The following ZNF423 variants were observed in gnomAD, a reference collection of about 807,000 sequenced individuals.
ZNF423 encodes the protein Ebf-associated zinc finger protein.
ZNF423 carries 12 observed loss-of-function variants against 95.8 expected under a neutral mutation model. The observed-to-expected ratio is 0.13, with a 90% confidence interval of 0.08 to 0.20. The LOEUF is 0.20. Among genes scored for constraint, ZNF423 ranks in the 10% least tolerant of loss-of-function variants. ZNF423 has a pLI of 1.00. For missense variants in ZNF423, 1,316 were observed against 1,737.1 expected (o/e 0.76, Z 4.31); for synonymous variants, 749 against 711.9 (o/e 1.05, Z -0.83).
intron 3 of ZNF423, among the ~76,000 whole-genome samples, chr16:49,702,334 G>A (rs944354198): frequency 6.6e-6 from 1 of 152,232 alleles, no homozygotes; most frequent in African/African-American, 2.4e-5. Context: ...GACGGGAGAA[G>A]TGTTCTCCAA....
At chr16:49,678,390 C>T (rs1357866567) in intron 3 of ZNF423, among the ~76,000 whole-genome samples, 1 of 151,986 alleles carries the variant, frequency 6.6e-6, no homozygotes, top group Non-Finnish European at 1.5e-5. Flanking sequence ...GAAAGTGGGG[C>T]GTTCGAGCTC....
At chr16:49,714,852 C>T (rs747612129) in intron 3 of ZNF423, among the ~76,000 whole-genome samples, 5 of 152,244 alleles carry the variant, frequency 3.3e-5, no homozygotes, top group East Asian at 1.9e-4. Context: ...GTTTGTCCCG[C>T]GGCCCCTGCT....
chr16:49,806,951 C>T lies in ZNF423; in HGVS notation c.41-17405G>A, dbSNP rs150088040. Among the ~76,000 whole-genome samples, 841 of 150,210 alleles carry T rather than the reference C, an allele frequency of 5.6e-3. 4 individuals carry two copies. Among genetic ancestry groups the T allele is most frequent in the African/African-American group, 0.02 (815 of 40,760 alleles). On this transcript the variant is annotated intron_variant, in intron 1 of 7. Coordinates refer to ENST00000563137, the MANE Select transcript of ZNF423 (RefSeq NM_001379286.1). ...CTGAGGCAGGAGAATCGCTTGAACCCGGGAGGTAGAGGTTGCAGCGAGCCG... is the reference window on the plus strand; with the variant it reads ...CTGAGGCAGGAGAATCGCTTGAACCTGGGAGGTAGAGGTTGCAGCGAGCCG...
In ZNF423 at chr16:49,603,558, C is replaced by T. The variant is rs376113270; in HGVS notation, c.3601+22612G>A. Among the ~76,000 whole-genome samples the T allele has an allele frequency of 1.3e-5, 2 of 152,204 alleles. No homozygotes were observed. The highest frequency in any genetic ancestry group is 4.1e-4 in the South Asian group (2 of 4,820). Reference sequence around the variant, plus strand: ...CAGAGTAGCTGGGATTACAGGCGCCCGCCACCACGCCCAGCTAATTTTTGT... The same window carrying T: ...CAGAGTAGCTGGGATTACAGGCGCCTGCCACCACGCCCAGCTAATTTTTGT... On this transcript the variant is annotated intron_variant, in intron 5 of 7. Coordinates refer to ENST00000563137, the MANE Select transcript of ZNF423 (RefSeq NM_001379286.1). This position sits in a 1 kb window ranked among gnomAD's most constrained non-coding sequence, Gnocchi z 4.1.
chr16:49,855,383 T>G lies in ZNF423; in HGVS notation c.40+352A>C, dbSNP rs979581801. ...GCCAAGTCGGGCCAGCACCCCTTGA[T>G]TGGCCACACGGGCCCGGGCCCCGCA... On this transcript the variant is annotated intron_variant, in intron 1 of 7. Transcript: ENST00000563137. The surrounding 1 kb of genome is among the most constrained non-coding windows in gnomAD (Gnocchi z 4.7). Among the ~76,000 whole-genome samples the G allele has an allele frequency of 6.7e-6, 1 of 148,970 alleles. No individual in the cohort carries two copies. Among genetic ancestry groups the G allele is most frequent in the East Asian group, 2.0e-4 (1 of 4,938 alleles).
At chr16:49,682,307 A>C (rs1399841359) in intron 3 of ZNF423, among the ~76,000 whole-genome samples, 1 of 152,062 alleles carries the variant, frequency 6.6e-6, no homozygotes, top group Non-Finnish European at 1.5e-5. Flanking sequence ...AGAAAGTGCA[A>C]GAGAGTGAAT....
intron 7 of ZNF423, among the ~76,000 whole-genome samples, chr16:49,498,722 A>G (rs1322923265): frequency 6.6e-6 from 1 of 152,124 alleles, no homozygotes; most frequent in Non-Finnish European, 1.5e-5. Flanking sequence ...GGAAGGGTAT[A>G]GATACAGGCA....
At chr16:49,583,596 T>C (rs1165268620) in intron 5 of ZNF423, among the ~76,000 whole-genome samples, 1 of 152,086 alleles carries the variant, frequency 6.6e-6, no homozygotes, top group African/African-American at 2.4e-5. Flanking sequence ...CACACACACA[T>C]ATATATATAC....
intron 5 of ZNF423, among the ~76,000 whole-genome samples, chr16:49,548,510 C>T (rs113818094): frequency 7.3e-4 from 110 of 150,888 alleles, no homozygotes; most frequent in African/African-American, 2.5e-3. Flanking sequence ...ATTATGTTGC[C>T]GTTAAAAAAA....
chr16:49,562,271 C>T (rs985137909), intron 5 of ZNF423, among the ~76,000 whole-genome samples: 6 of 152,196 alleles, frequency 3.9e-5, no homozygotes, highest in African/African-American at 1.4e-4. Flanking sequence ...GTTAGGACAT[C>T]AGACAGGTCT....
chr16:49,853,546 G>T, intron 1 of ZNF423: 1 of 770,410 alleles, frequency 1.3e-6, no homozygotes, highest in Non-Finnish European at 1.6e-6. Flanking sequence ...GCTCTGTGTG[G>T]CTGATATTTA....
chr16:49,689,405 T>C (rs1458702073), intron 3 of ZNF423, among the ~76,000 whole-genome samples: 3 of 151,826 alleles, frequency 2.0e-5, no homozygotes, highest in Non-Finnish European at 4.4e-5. Flanking sequence ...TGGGCTATGA[T>C]GGCACCACTG....
chr16:49,543,477 C>T (rs1969326019), intron 5 of ZNF423, among the ~76,000 whole-genome samples: 1 of 152,200 alleles, frequency 6.6e-6, no homozygotes, highest in African/African-American at 2.4e-5. Context: ...CCTTCTGCTG[C>T]CCCCGGAGTC....
intron 1 of ZNF423, among the ~76,000 whole-genome samples, chr16:49,815,939 GA>G: frequency 1.7e-5 from 1 of 57,460 alleles, no homozygotes; most frequent in South Asian, 6.7e-4. Flanking sequence ...TTTTTTTTGA[GA>G]CAAAGTCTCA....
chr16:49,737,833 C>T (rs8048073), intron 2 of ZNF423, among the ~76,000 whole-genome samples: 2 of 152,070 alleles, frequency 1.3e-5, no homozygotes, highest in Non-Finnish European at 2.9e-5. Flanking sequence ...CTGGCCAGCA[C>T]ACGAATCAGA....
intron 5 of ZNF423, among the ~76,000 whole-genome samples, chr16:49,536,506 G>A (rs769178608): frequency 5.1e-5 from 7 of 138,610 alleles, no homozygotes; most frequent in Non-Finnish European, 9.2e-5. Context: ...GCCATAGTAT[G>A]ATCACAGCTT....
chr16:49,606,501 CA>C (rs1971541138), intron 5 of ZNF423, among the ~76,000 whole-genome samples: 1 of 152,172 alleles, frequency 6.6e-6, no homozygotes, highest in Non-Finnish European at 1.5e-5. Flanking sequence ...TGAATTATCC[CA>C]GGGGGTGATG....
At chr16:49,792,821 G>A (rs2034437092) in intron 1 of ZNF423, among the ~76,000 whole-genome samples, 1 of 152,186 alleles carries the variant, frequency 6.6e-6, no homozygotes, top group Non-Finnish European at 1.5e-5. Context: ...GTGCAGTGGT[G>A]CGATCATAGC....
intron 5 of ZNF423, among the ~76,000 whole-genome samples, chr16:49,575,747 C>T (rs1268284974): frequency 1.3e-5 from 2 of 152,210 alleles, no homozygotes; most frequent in African/African-American, 4.8e-5. Context: ...GCATGCAAAT[C>T]ACCTGGAGCT....
Sources: allele counts gnomAD v4.1 joint callset (sites outside exome capture counted in the v4.1 genomes callset), GRCh38; gene constraint gnomAD v4.1.1; non-coding constraint Gnocchi (gnomAD v3.1); transcripts MANE v1.5; gene names NCBI Gene and HGNC (gene_info 2026-07-23, HGNC 2026-07-21).